TBCB: variants seen among roughly 807,000 people sequenced by gnomAD.
TBCB encodes the protein tubulin folding cofactor B, also known as tubulin-folding cofactor B.
A neutral mutation model predicts 29.2 loss-of-function variants in TBCB; 18 were observed. The observed-to-expected ratio is 0.62, with a 90% confidence interval of 0.43 to 0.91. The LOEUF (loss-of-function observed/expected upper bound fraction) is 0.91. Ranked by LOEUF, TBCB falls within the 40% of genes least tolerant of loss-of-function variation. TBCB has a pLI of 0.00. For synonymous variants in TBCB, 172 were observed against 137.8 expected (o/e 1.25, Z -1.74); for missense variants, 336 against 337.6 (o/e 1.00, Z 0.04).
chr19:36,115,995 G>A (rs528837914), intron 1 of TBCB, 46 bp from the exon 2 acceptor site: 7 of 1,596,836 alleles, frequency 4.4e-6, no homozygotes, highest in Non-Finnish European at 6.0e-6. Context: ...TGCAAGGGGC[G>A]GGGCCTCCGT....
chr19:36,125,727 C>CA lies in TBCB; in HGVS notation c.681dup (p.Val228SerfsTer29). ...AAGTATGGCGCCTTTGTCAAGCCAG[C>CA]AGTCGTGACGGTGGGGGACTTCCCG... is the stretch of plus-strand genomic sequence containing the variant. On this transcript the variant is annotated frameshift_variant, in exon 6 of 6. Transcript: ENST00000221855. LOFTEE classifies it high-confidence loss of function. The CA allele has an allele frequency of 1.3e-6, 2 of 1,578,120 alleles. No individual in the cohort carries two copies. The highest frequency in any genetic ancestry group is 2.4e-5 in the South Asian group (2 of 85,026).
intron 1 of TBCB, 42 bp from the exon 2 acceptor site, chr19:36,115,999 C>T (rs766515350): frequency 4.7e-5 from 75 of 1,597,588 alleles, no homozygotes; most frequent in Non-Finnish European, 6.3e-5. Context: ...AGGGGCGGGG[C>T]CTCCGTGGCC....
At chr19:36,116,246 A>G (rs567591791) in intron 2 of TBCB, 62 bp downstream of exon 2, 6 of 1,591,200 alleles carry the variant, frequency 3.8e-6, no homozygotes, top group Middle Eastern at 1.7e-4. Flanking sequence ...TTCAACAGAC[A>G]CTTGCTGGGC....
chr19:36,122,140 G>A (rs951372349), intron 4 of TBCB: 11 of 278,016 alleles, frequency 4.0e-5, no homozygotes, highest in Non-Finnish European at 7.7e-5. Flanking sequence ...GAAAAGGGAG[G>A]AAGAGTTCCC....
intron 4 of TBCB, among the ~76,000 whole-genome samples, chr19:36,124,030 A>C (rs1974099190): frequency 6.6e-6 from 1 of 152,152 alleles, no homozygotes; most frequent in Non-Finnish European, 1.5e-5. Context: ...CATTCCCGCC[A>C]GCAGTGCAGA....
Position 36,115,524 on chromosome 19 carries a change from C to G in TBCB, c.-37C>G. 2.0e-6 allele frequency: 3 copies of G among 1,523,060 alleles called. No homozygotes were observed. The highest frequency in any genetic ancestry group is 1.8e-6 in the Non-Finnish European group (2 of 1,120,260). 94.3% of individuals were successfully genotyped at this position (1,523,060 alleles called of 1,614,324 possible). On this transcript the variant is annotated 5_prime_UTR_variant, in exon 1 of 6. Coordinates refer to ENST00000221855, the MANE Select transcript of TBCB (RefSeq NM_001281.3). ...CGGCTGCGGAGCGGGTGTGAGGCGG[C>G]TGGACCGCGCTGCAGGCATCCGCAG...
At position 36,115,527 on chromosome 19, in the gene TBCB, G is replaced by GACCGCGCTGCAGGCATCCGC. The variant is rs751154557; in HGVS notation, c.-32_-13dup. On this transcript the variant is annotated 5_prime_UTR_variant, in exon 1 of 6. Coordinates refer to ENST00000221855, the MANE Select transcript of TBCB (RefSeq NM_001281.3). Reference sequence around the variant, plus strand: ...CTGCGGAGCGGGTGTGAGGCGGCTGGACCGCGCTGCAGGCATCCGCAGGGC... The same window carrying GACCGCGCTGCAGGCATCCGC: ...CTGCGGAGCGGGTGTGAGGCGGCTGGACCGCGCTGCAGGCATCCGCACCGCGCTGCAGGCATCCGCAGGGC... 1 of 1,536,626 alleles carries GACCGCGCTGCAGGCATCCGC rather than the reference G, an allele frequency of 6.5e-7. No homozygotes were observed. The highest frequency in any genetic ancestry group is 1.2e-5 in the South Asian group (1 of 84,852).
At chr19:36,124,688 C>T (rs552953067) in intron 4 of TBCB, among the ~76,000 whole-genome samples, 75 of 152,242 alleles carry the variant, frequency 4.9e-4, no homozygotes, top group Non-Finnish European at 9.6e-4. Context: ...GAACTACAGG[C>T]GCCCGCCACC....
chr19:36,116,246 A>T, intron 2 of TBCB, 62 bp downstream of exon 2: 2 of 1,591,200 alleles, frequency 1.3e-6, no homozygotes, highest in South Asian at 2.3e-5. Flanking sequence ...TTCAACAGAC[A>T]CTTGCTGGGC....
At chr19:36,123,252 T>C (rs981547697) in intron 4 of TBCB, among the ~76,000 whole-genome samples, 12 of 133,782 alleles carry the variant, frequency 9.0e-5, no homozygotes, top group African/African-American at 3.3e-4. Flanking sequence ...ATGAACCTTC[T>C]TCTTTTTTTT....
At chr19:36,124,370 G>A (rs73601695) in intron 4 of TBCB, among the ~76,000 whole-genome samples, 3,935 of 151,668 alleles carry the variant, frequency 0.026, 178 homozygotes, top group African/African-American at 0.09. Flanking sequence ...ATAGGTGAGC[G>A]CTACAACACC....
intron 4 of TBCB, among the ~76,000 whole-genome samples, chr19:36,124,449 G>A (rs1455924813): frequency 6.6e-6 from 1 of 152,052 alleles, no homozygotes; most frequent in Non-Finnish European, 1.5e-5. Context: ...TCAAACTCCT[G>A]GCCTCAAGTG....
intron 2 of TBCB, chr19:36,117,760 A>G (rs1973979605): frequency 6.6e-6 from 1 of 151,766 alleles, no homozygotes; most frequent in African/African-American, 2.4e-5. Flanking sequence ...GGTGGAGTTT[A>G]TTTATTTATT....
upstream of TBCB, chr19:36,115,387 C>T (rs1973928199): frequency 5.0e-6 from 3 of 598,822 alleles, no homozygotes; most frequent in Non-Finnish European, 8.9e-6. Context: ...CTCTTCCTGG[C>T]GGTGGGGAAG....
intron 2 of TBCB, 21 bp from the exon 3 acceptor site, chr19:36,120,689 G>A (rs749382657): frequency 6.8e-6 from 11 of 1,612,746 alleles, no homozygotes; most frequent in Admixed American, 6.7e-5. Context: ...TGATCCCCAC[G>A]GAGCCCCTCC....
intron 4 of TBCB, among the ~76,000 whole-genome samples, chr19:36,123,077 C>T (rs1048505359): frequency 6.6e-6 from 1 of 152,090 alleles, no homozygotes; most frequent in Non-Finnish European, 1.5e-5. Flanking sequence ...CTGGCGCCTT[C>T]CACTGAGCAG....
chr19:36,123,160 G>C (rs532391105), intron 4 of TBCB, among the ~76,000 whole-genome samples: 1 of 152,006 alleles, frequency 6.6e-6, no homozygotes, highest in Non-Finnish European at 1.5e-5. Flanking sequence ...TGCATTGAGC[G>C]CCTAGACCAC....
At chr19:36,115,404 C>T (rs1360057684), upstream of TBCB, 6 of 611,954 alleles carry the variant, frequency 9.8e-6, no homozygotes, top group South Asian at 2.0e-5. Context: ...GAAGGGACGG[C>T]GGCGATTGGC....
At chr19:36,116,330 C>T (rs1568381523) in intron 2 of TBCB, 146 bp downstream of exon 2, 1 of 1,075,682 alleles carries the variant, frequency 9.3e-7, no homozygotes, top group Non-Finnish European at 1.3e-6. Context: ...GAGACAGACC[C>T]ATCATTAGAC....
Sources: allele counts gnomAD v4.1 joint callset (sites outside exome capture counted in the v4.1 genomes callset), GRCh38; gene constraint gnomAD v4.1.1; transcripts MANE v1.5; gene names NCBI Gene and HGNC (gene_info 2026-07-23, HGNC 2026-07-21).